The following FCGR2A variants were observed in gnomAD, a reference collection of about 807,000 sequenced individuals.
FCGR2A encodes Fc gamma receptor IIa, also known as low affinity immunoglobulin gamma Fc region receptor II-a.
A neutral mutation model predicts 29.3 loss-of-function variants in FCGR2A; 18 were observed. The observed-to-expected ratio is 0.62, with a 90% CI of 0.43 to 0.91. The LOEUF (loss-of-function observed/expected upper bound fraction) is 0.91. FCGR2A is among the 40% of genes least tolerant of loss of function. FCGR2A has a pLI of 0.00. For missense variants in FCGR2A, 287 were observed against 393.0 expected (o/e 0.73, Z 2.28); for synonymous variants, 126 against 144.8 (o/e 0.87, Z 0.93).
At chr1:161,516,040 A>T (rs385347) in intron 6 of FCGR2A, among the ~76,000 whole-genome samples, 6 of 151,994 alleles carry the variant, frequency 3.9e-5, no homozygotes, top group African/African-American at 9.7e-5. Context: ...AGTAATCTTT[A>T]ATAAATGAGA....
chr1:161,509,049 T>C (rs1360168486), intron 3 of FCGR2A, among the ~76,000 whole-genome samples: 1 of 152,018 alleles, frequency 6.6e-6, no homozygotes, highest in African/African-American at 2.4e-5. Flanking sequence ...TATTAGGAGG[T>C]GAGGTCTTTG....
At chr1:161,506,841 G>A (rs970186809) in intron 3 of FCGR2A, 1 of 681,826 alleles carries the variant, frequency 1.5e-6, no homozygotes, top group Non-Finnish European at 2.4e-6. Context: ...GAGCAAGGGG[G>A]TTACGAGGCC....
downstream of FCGR2A, chr1:161,523,662 C>T (rs1429800222): frequency 6.6e-6 from 1 of 152,106 alleles, no homozygotes; most frequent in East Asian, 1.9e-4. Context: ...GGCTGAGTGG[C>T]GAGGTCTCTC....
At chr1:161,523,914 A>C (rs532166034), downstream of FCGR2A, 1 of 152,084 alleles carries the variant, frequency 6.6e-6, no homozygotes, top group Non-Finnish European at 1.5e-5. Flanking sequence ...TGAACCACCA[A>C]TGCTACTGTC....
chr1:161,512,487 G>A (rs1029795362), intron 5 of FCGR2A, among the ~76,000 whole-genome samples: 1 of 149,546 alleles, frequency 6.7e-6, no homozygotes, highest in African/African-American at 2.4e-5. Context: ...CTCCCTGATG[G>A]GGTTCAGTCT....
At chr1:161,505,607 C>A in intron 1 of FCGR2A, 55 bp downstream of exon 1, 1 of 1,377,660 alleles carries the variant, frequency 7.3e-7, no homozygotes, top group Non-Finnish European at 1.0e-6. Context: ...ACTGCCTGGA[C>A]TCCAGGTACC....
In FCGR2A at chr1:161,519,236, A is replaced by T. The variant is rs1433408664; in HGVS notation, c.*1088A>T. On this transcript the variant is annotated 3_prime_UTR_variant, in exon 7 of 7. Coordinates refer to ENST00000271450, the MANE Select transcript of FCGR2A (RefSeq NM_001136219.3). Reference sequence around the variant, plus strand: ...CTGAGTCCCAAAGCTCCCTGTCCTGAAAGCCACAGACAATATGGTCCCAAA... The same window carrying T: ...CTGAGTCCCAAAGCTCCCTGTCCTGTAAGCCACAGACAATATGGTCCCAAA... The T allele has an allele frequency of 6.5e-6, 1 of 152,986 alleles. No homozygotes were observed. 9.5% of individuals were successfully genotyped at this position (152,986 alleles called of 1,614,324 possible).
rs575996749 is a variant in FCGR2A at position 161,514,370 on chromosome 1, C to T, written c.780+438C>T. 8.5e-4 allele frequency among the ~76,000 whole-genome samples: 128 copies of T among 150,248 alleles called. 3 individuals are homozygous for T. Among genetic ancestry groups the T allele is most frequent in the Admixed American group, 2.3e-3 (35 of 15,070 alleles). ...TGTCTCTGACTTTCTGTCATTAAAA[C>T]ATTAGACCTCTTTTGGTTTGGTGTC... On this transcript the variant is annotated intron_variant, in intron 6 of 6. Coordinates refer to ENST00000271450, the MANE Select transcript of FCGR2A (RefSeq NM_001136219.3).
intron 3 of FCGR2A, among the ~76,000 whole-genome samples, chr1:161,508,648 C>T (rs1346891528): frequency 2.0e-5 from 3 of 150,300 alleles, no homozygotes; most frequent in Admixed American, 6.6e-5. Context: ...TAAATAAGAT[C>T]GAATAAATTA....
At chr1:161,523,850 AT>A (rs1188844448), downstream of FCGR2A, 1 of 152,048 alleles carries the variant, frequency 6.6e-6, no homozygotes, top group African/African-American at 2.4e-5. Context: ...ATGAAAGTGC[AT>A]TGGCCGGGAA....
At position 161,517,918 on chromosome 1, in the gene FCGR2A, G is replaced by T; in HGVS notation, c.781-57G>T. 13 of 1,313,684 alleles carry T rather than the reference G, an allele frequency of 9.9e-6. No individual in the cohort carries two copies. In the South Asian group the frequency reaches 1.3e-4, roughly 13 times the overall value. 81.4% of individuals were successfully genotyped at this position (1,313,684 alleles called of 1,614,324 possible). A position where few individuals can be genotyped will look rare whatever the true frequency, so the allele number is the denominator to read the frequency against. ...GGCTATTATTCTCCTTATAGTTATTGTATTTACCTCCCCGGTGTATTGAAT... is the reference window on the plus strand; with the variant it reads ...GGCTATTATTCTCCTTATAGTTATTTTATTTACCTCCCCGGTGTATTGAAT... On this transcript the variant is annotated intron_variant, in intron 6 of 6. Transcript: ENST00000271450.
Position 161,506,578 on chromosome 1 carries a change from G to T in FCGR2A, c.351G>T (p.Leu117=). The change falls in exon 3 of 7, where the codon CTG becomes CTT. Residue 117 remains leucine (L), a synonymous_variant. Transcript: ENST00000271450. ...CCAGCCTCAGCGACCCTGTGCATCT[G>T]ACTGTGCTTTCCGGTCAGTGGAGGA... is the stretch of plus-strand genomic sequence containing the variant. ...GQTSLSDPVH[L]TVLSEWLVLQ... The T allele has an allele frequency of 6.2e-7, 1 of 1,614,136 alleles. No homozygotes were observed. Among genetic ancestry groups the T allele is most frequent in the East Asian group, 2.2e-5 (1 of 44,888 alleles).
At chr1:161,508,452 A>T (rs1278533211) in intron 3 of FCGR2A, among the ~76,000 whole-genome samples, 1 of 151,524 alleles carries the variant, frequency 6.6e-6, no homozygotes, top group African/African-American at 2.4e-5. Flanking sequence ...GCCGGGCGTG[A>T]TGGCGCATGC....
At chr1:161,510,990 G>C (rs748072134) in intron 5 of FCGR2A, 34 bp downstream of exon 5, 2 of 1,613,940 alleles carry the variant, frequency 1.2e-6, no homozygotes, top group Non-Finnish European at 1.7e-6. Flanking sequence ...TTTGTTATCA[G>C]TTTCCATTTG....
intron 6 of FCGR2A, among the ~76,000 whole-genome samples, chr1:161,515,361 A>T (rs1676085094): frequency 6.6e-6 from 1 of 152,216 alleles, no homozygotes; most frequent in Admixed American, 6.5e-5. Flanking sequence ...ACAACAACTA[A>T]ATTTAACTCT....
rs756891085 is a variant in FCGR2A at position 161,510,827 on chromosome 1, T to C, written c.620-7T>C. ...CCCCATCCTGCCCTAATGTCTGTCT[T>C]CCCTAGTGCCCAGCATGGGCAGCTC... is the stretch of plus-strand genomic sequence containing the variant. On this transcript the variant is annotated splice_region_variant and splice_polypyrimidine_tract_variant and intron_variant, in intron 4 of 6. Transcript: ENST00000271450. 6.2e-7 allele frequency: 1 copy of C among 1,614,098 alleles called. No individual in the cohort carries two copies. Among genetic ancestry groups the C allele is most frequent in the Admixed American group, 1.7e-5 (1 of 60,020 alleles).
In FCGR2A at chr1:161,516,716, A is replaced by G. The variant is rs551231622; in HGVS notation, c.781-1259A>G. Among the ~76,000 whole-genome samples, 241 of 150,894 alleles carry G rather than the reference A, an allele frequency of 1.6e-3. 2 individuals are homozygous for G. The highest frequency in any genetic ancestry group is 5.6e-3 in the African/African-American group (229 of 41,096). ...AAAAAAGATTATATTTTAGTAGAAA[A>G]CTATTGTGCATCCATTGTCAAATTC... is the stretch of plus-strand genomic sequence containing the variant. On this transcript the variant is annotated intron_variant, in intron 6 of 6. Transcript: ENST00000271450.
rs1675326903 is a variant in FCGR2A, at chr1:161,505,512, C to T, written c.45C>T (p.Asn15=). 6.2e-7 allele frequency: 1 copy of T among 1,614,166 alleles called. No individual in the cohort carries two copies. The highest frequency in any genetic ancestry group is 8.5e-7 in the Non-Finnish European group (1 of 1,180,006). ...TGTCTCAGAATGTATGTCCCAGAAA[C>T]CTGTGGCTGCTTCAACCATTGACAG... ...TQMSQNVCPR[N]LWLLQPLTVL... The change falls in exon 1 of 7, where the codon AAC becomes AAT. Residue 15 remains asparagine (N), a synonymous_variant. Coordinates refer to ENST00000271450, the MANE Select transcript of FCGR2A (RefSeq NM_001136219.3).
In FCGR2A at chr1:161,513,879, T is replaced by C; in HGVS notation, c.743-16T>C. 6.2e-7 allele frequency: 1 copy of C among 1,614,272 alleles called. No individual in the cohort carries two copies. On this transcript the variant is annotated splice_polypyrimidine_tract_variant and intron_variant, in intron 5 of 6. Coordinates refer to ENST00000271450, the MANE Select transcript of FCGR2A (RefSeq NM_001136219.3). ...AACAGCAGTGCCCTGGCTAATCTTT[T>C]TCTTTTTCCCCACAGCCAATTCCAC...
Sources: allele counts gnomAD v4.1 joint callset (sites outside exome capture counted in the v4.1 genomes callset), GRCh38; gene constraint gnomAD v4.1.1; transcripts MANE v1.5; gene names NCBI Gene and HGNC (gene_info 2026-07-23, HGNC 2026-07-21).